The following TRERF1 variants were observed in gnomAD, a reference collection of about 807,000 sequenced individuals.
TRERF1 encodes the protein transcriptional regulating factor 1.
A neutral mutation model predicts 122.9 loss-of-function variants in TRERF1; 27 were observed. The ratio of observed to expected loss-of-function variants is 0.22; its 90% CI spans 0.16 to 0.30. The LOEUF is 0.30. TRERF1 is among the 10% of genes least tolerant of loss of function. TRERF1 has a pLI of 1.00. For missense variants in TRERF1, 1,248 were observed against 1,560.3 expected, an observed-to-expected ratio of 0.80 and a Z score of 3.37; for synonymous variants, 636 against 641.7, an observed-to-expected ratio of 0.99 and a Z score of 0.13.
intron 4 of TRERF1, among the ~76,000 whole-genome samples, chr6:42,291,822 G>A (rs185087559): frequency 6.6e-6 from 1 of 152,172 alleles, no homozygotes; most frequent in Non-Finnish European, 1.5e-5. Flanking sequence ...TGGGATTACA[G>A]GCATAAGACA....
At chr6:42,379,507 G>A (rs1775537836) in intron 2 of TRERF1, among the ~76,000 whole-genome samples, 1 of 151,816 alleles carries the variant, frequency 6.6e-6, no homozygotes, top group South Asian at 2.1e-4. Context: ...ATAGATACTG[G>A]GCACTTACTA....
At chr6:42,327,651 C>T (rs980753760) in intron 3 of TRERF1, among the ~76,000 whole-genome samples, 6 of 152,134 alleles carry the variant, frequency 3.9e-5, no homozygotes, top group South Asian at 2.1e-4. Flanking sequence ...CATTCACACA[C>T]GAAAAGCTTT....
At chr6:42,428,284 C>T (rs1045782950) in intron 2 of TRERF1, among the ~76,000 whole-genome samples, 1 of 152,228 alleles carries the variant, frequency 6.6e-6, no homozygotes, top group Non-Finnish European at 1.5e-5. Flanking sequence ...GTACCATCTG[C>T]ATTATAATGT....
In TRERF1 at chr6:42,259,547, C is replaced by A. The variant is rs1451741912; in HGVS notation, c.2061G>T (p.Leu687=). 2 of 1,613,490 alleles carry A rather than the reference C, an allele frequency of 1.2e-6. No individual in the cohort carries two copies. Among genetic ancestry groups the A allele is most frequent in the African/African-American group, 1.3e-5 (1 of 74,894 alleles). Reference sequence around the variant, plus strand: ...GGTCCCCGAGGACGCGCGGGGAGCGCAGCTGGCTCTGGTACAGGGTGGCGC... The same window carrying A: ...GGTCCCCGAGGACGCGCGGGGAGCGAAGCTGGCTCTGGTACAGGGTGGCGC... The change falls in exon 9 of 18, where the codon CTG becomes CTT. Residue 687 remains leucine, a synonymous_variant. Coordinates refer to ENST00000372922, the Ensembl canonical transcript of TRERF1. The surrounding 1 kb of genome is among the most constrained non-coding windows in gnomAD (Gnocchi z 4.9).
chr6:42,265,696 C>T, intron 6 of TRERF1, 55 bp downstream of exon 6: 4 of 1,544,254 alleles, frequency 2.6e-6, no homozygotes, highest in Non-Finnish European at 3.6e-6. Context: ...ATGAGAGACA[C>T]CCCAGAAAAT....
chr6:42,415,893 T>C (rs1396318780), intron 2 of TRERF1, among the ~76,000 whole-genome samples: 2 of 152,184 alleles, frequency 1.3e-5, no homozygotes, highest in Non-Finnish European at 2.9e-5. Flanking sequence ...GTAATTTTAT[T>C]ATGATCACAC....
intron 2 of TRERF1, among the ~76,000 whole-genome samples, chr6:42,435,698 G>A (rs570745381): frequency 2.2e-4 from 34 of 152,136 alleles, no homozygotes; most frequent in South Asian, 1.0e-3. Flanking sequence ...TATGGAGGCC[G>A]GGCGCAGTGG....
intron 2 of TRERF1, among the ~76,000 whole-genome samples, chr6:42,387,860 T>C (rs190875413): frequency 2.8e-4 from 43 of 151,680 alleles, no homozygotes; most frequent in Non-Finnish European, 4.6e-4. Context: ...TAGGCAAGAG[T>C]GCAGTGGCAC....
chr6:42,263,173 G>C lies in TRERF1; in HGVS notation c.1884+147C>G. On this transcript the variant is annotated intron_variant, in intron 8 of 17. Coordinates refer to ENST00000372922, the Ensembl canonical transcript of TRERF1. The surrounding 1 kb of genome is among the most constrained non-coding windows in gnomAD (Gnocchi z 5.6). ...AGAGACCAAGCCGTATCCAAGCTCA[G>C]GTCAGTGACTCTGGAAGGGCCGCCC... 1 of 1,426,608 alleles carries C rather than the reference G, an allele frequency of 7.0e-7. No homozygotes were observed. The highest frequency in any genetic ancestry group is 9.2e-7 in the Non-Finnish European group (1 of 1,091,016). 88.4% of individuals were successfully genotyped at this position (1,426,608 alleles called of 1,614,324 possible).
chr6:42,315,716 C>A (rs981427432), intron 3 of TRERF1, among the ~76,000 whole-genome samples: 5 of 138,402 alleles, frequency 3.6e-5, no homozygotes, highest in African/African-American at 1.3e-4. Context: ...ACCCCCCCCC[C>A]CACCCACTGC....
chr6:42,247,487 C>T (rs565654927), intron 13 of TRERF1, among the ~76,000 whole-genome samples: 18 of 152,150 alleles, frequency 1.2e-4, no homozygotes, highest in South Asian at 6.2e-4. Flanking sequence ...TTTCAAAGAA[C>T]GACTAGTAAT....
chr6:42,228,700 T>A lies in TRERF1; in HGVS notation c.3279-31A>T. The A allele has an allele frequency of 6.5e-7, 1 of 1,548,658 alleles. No homozygotes were observed. The highest frequency in any genetic ancestry group is 8.7e-7 in the Non-Finnish European group (1 of 1,149,978). ...AATAAAGAAAGAGAGGTGTGTAGAA[T>A]TTAGAAGGAGATCTGAGTTCTTGGA... On this transcript the variant is annotated intron_variant, in intron 17 of 17. Coordinates refer to ENST00000372922, the Ensembl canonical transcript of TRERF1. This position sits in a 1 kb window ranked among gnomAD's most constrained non-coding sequence, Gnocchi z 4.2.
intron 2 of TRERF1, among the ~76,000 whole-genome samples, chr6:42,443,700 T>A (rs990228913): frequency 3.9e-5 from 6 of 152,188 alleles, no homozygotes; most frequent in South Asian, 2.1e-4. Flanking sequence ...CCAGCATTTC[T>A]GAGGCCAGCC....
chr6:42,279,899 T>A (rs73733143), intron 4 of TRERF1, among the ~76,000 whole-genome samples: 1 of 152,140 alleles, frequency 6.6e-6, no homozygotes, highest in African/African-American at 2.4e-5. Flanking sequence ...GGACAACCAC[T>A]CCCCTTTTTT....
At chr6:42,416,698 A>T (rs1356487953) in intron 2 of TRERF1, among the ~76,000 whole-genome samples, 2 of 152,174 alleles carry the variant, frequency 1.3e-5, no homozygotes, top group African/African-American at 4.8e-5. Context: ...CATAAAAAGA[A>T]TTTAAGCGCT....
chr6:42,328,004 C>CTTT (rs36069546), intron 3 of TRERF1, among the ~76,000 whole-genome samples: 7 of 107,932 alleles, frequency 6.5e-5, no homozygotes, highest in South Asian at 3.0e-4. Flanking sequence ...TTCTTTCTTT[C>CTTT]TTTTTTTTTT....
chr6:42,270,197 G>C (rs1474866), intron 4 of TRERF1, among the ~76,000 whole-genome samples: 37,765 of 151,654 alleles, frequency 0.25, 5,211 homozygotes, highest in East Asian at 0.38. Context: ...CTCTCTCTCT[G>C]TGTGTGTGTA....
intron 14 of TRERF1, among the ~76,000 whole-genome samples, chr6:42,245,441 C>G (rs901311619): frequency 1.3e-5 from 2 of 152,246 alleles, no homozygotes; most frequent in African/African-American, 4.8e-5. Context: ...CTGTCTCAGC[C>G]AGGGGCCAGT....
At chr6:42,399,078 A>G (rs770293352) in intron 2 of TRERF1, among the ~76,000 whole-genome samples, 64 of 152,238 alleles carry the variant, frequency 4.2e-4, no homozygotes, top group Non-Finnish European at 1.8e-4. Flanking sequence ...GAAGGAAGTC[A>G]GGCAGCATGG....
Sources: allele counts gnomAD v4.1 joint callset (sites outside exome capture counted in the v4.1 genomes callset), GRCh38; gene constraint gnomAD v4.1.1; non-coding constraint Gnocchi (gnomAD v3.1); transcripts MANE v1.5; gene names NCBI Gene and HGNC (gene_info 2026-07-23, HGNC 2026-07-21).